The following AP3S2 variants were observed in gnomAD, a reference collection of about 807,000 sequenced individuals.
AP3S2 encodes adaptor related protein complex 3 subunit sigma 2, also known as AP-3 complex subunit sigma-2.
In AP3S2, 22 loss-of-function variants were observed where a neutral mutation model predicts 23.4. That is an observed-to-expected ratio of 0.94 (90% confidence interval 0.67 to 1.34). AP3S2 has a LOEUF of 1.34. AP3S2 is among the 40% of genes most tolerant of loss of function. AP3S2 has a pLI of 0.00. For synonymous variants in AP3S2, 86 were observed against 87.1 expected (o/e 0.99, Z 0.07); for missense variants, 241 against 236.9 (o/e 1.02, Z -0.11).
chr15:89,877,247 C>G, intron 3 of AP3S2: 1 of 1,110,012 alleles, frequency 9.0e-7, no homozygotes, highest in Non-Finnish European at 1.3e-6. Context: ...TAAAGAGGAA[C>G]GGGATTGGGT....
At chr15:89,849,388 A>G (rs894966131) in intron 4 of AP3S2, among the ~76,000 whole-genome samples, 1 of 151,418 alleles carries the variant, frequency 6.6e-6, no homozygotes, top group African/African-American at 2.4e-5. Flanking sequence ...TTTTCTTTAG[A>G]TGGAGTCTCA....
Position 89,833,892 on chromosome 15 carries a change from C to T in AP3S2, c.*1623G>A, listed in dbSNP as rs993558389. 2 of 152,270 alleles carry T rather than the reference C, an allele frequency of 1.3e-5. No individual in the cohort carries two copies. The highest frequency in any genetic ancestry group is 4.8e-5 in the African/African-American group (2 of 41,470). The allele number at this position is 152,270 out of a possible 1,614,324, so 9.4% of individuals were successfully genotyped here. ...GGTGCTGCTGGGCACCCTCTCAGAC[C>T]TGCCCTGCAACAGCATCAGGAGGCT... On this transcript the variant is annotated 3_prime_UTR_variant, in exon 6 of 6. Coordinates refer to ENST00000336418, the MANE Select transcript of AP3S2 (RefSeq NM_005829.5).
chr15:89,887,486 C>G (rs1254049260), intron 3 of AP3S2, among the ~76,000 whole-genome samples: 1 of 146,040 alleles, frequency 6.8e-6, no homozygotes, highest in Non-Finnish European at 1.5e-5. Flanking sequence ...AGTCTCCTGC[C>G]CCAGCCTCCC....
At position 89,893,982 on chromosome 15, in the gene AP3S2, A is replaced by C. The variant is rs1165702355; in HGVS notation, c.-33T>G. Reference sequence around the variant, plus strand: ...AGCCACGGTTCTCTCAGCACCGGCTACTCCCAGAAAGCTCCTCCTTCCGCC... The same window carrying C: ...AGCCACGGTTCTCTCAGCACCGGCTCCTCCCAGAAAGCTCCTCCTTCCGCC... On this transcript the variant is annotated 5_prime_UTR_variant, in exon 1 of 6. Transcript: ENST00000336418. 6.5e-7 allele frequency: 1 copy of C among 1,546,796 alleles called. No individual in the cohort carries two copies. Among genetic ancestry groups the C allele is most frequent in the Non-Finnish European group, 8.7e-7 (1 of 1,144,280 alleles).
intron 4 of AP3S2, among the ~76,000 whole-genome samples, chr15:89,847,530 G>C (rs951236041): frequency 7.2e-5 from 11 of 152,136 alleles, no homozygotes; most frequent in Non-Finnish European, 1.6e-4. Flanking sequence ...GTGGGGACAA[G>C]TCAGTTGCAA....
intron 5 of AP3S2, 22 bp from the exon 6 acceptor site, chr15:89,835,665 G>A (rs1895172018): frequency 7.3e-7 from 1 of 1,364,982 alleles, no homozygotes; most frequent in Non-Finnish European, 9.9e-7. Context: ...TGAGAGGCGA[G>A]TATGAGACAA....
intron 3 of AP3S2, 111 bp downstream of exon 3, chr15:89,888,408 CAA>C: frequency 1.0e-6 from 1 of 973,152 alleles, no homozygotes; most frequent in Non-Finnish European, 1.5e-6. Context: ...GGACATCTGG[CAA>C]CTTTTACTAG....
At chr15:89,877,295 A>G (rs1302258041) in intron 3 of AP3S2, 6 of 1,329,998 alleles carry the variant, frequency 4.5e-6, no homozygotes, top group Non-Finnish European at 6.0e-6. Context: ...GCAGTTTGAA[A>G]AAGATCATAC....
intron 3 of AP3S2, chr15:89,886,393 T>C (rs1008883072): frequency 1.3e-5 from 2 of 152,290 alleles, no homozygotes; most frequent in African/African-American, 4.8e-5. Flanking sequence ...AGTTAGTCTT[T>C]TTGTATTGTT....
intron 4 of AP3S2, among the ~76,000 whole-genome samples, chr15:89,860,482 C>A (rs573316852): frequency 2.6e-5 from 4 of 152,080 alleles, no homozygotes; most frequent in African/African-American, 9.7e-5. Flanking sequence ...GGGGATGATT[C>A]CCATCCTGGA....
intron 4 of AP3S2, among the ~76,000 whole-genome samples, chr15:89,853,164 A>G (rs914126357): frequency 2.0e-5 from 3 of 152,238 alleles, no homozygotes; most frequent in Non-Finnish European, 4.4e-5. Context: ...GGGGGTATAC[A>G]TCAGCAAGGG....
chr15:89,888,794 T>G, intron 2 of AP3S2, 162 bp from the exon 3 acceptor site: 1 of 861,732 alleles, frequency 1.2e-6, no homozygotes, highest in Non-Finnish European at 1.7e-6. Context: ...TTGGCAGAGG[T>G]ACCTAAAGCC....
At chr15:89,854,131 C>G (rs1895741126) in intron 4 of AP3S2, among the ~76,000 whole-genome samples, 1 of 45,802 alleles carries the variant, frequency 2.2e-5, no homozygotes, top group Non-Finnish European at 4.5e-5. Context: ...GGGGGTCAGC[C>G]CCCCGCCTGG....
At chr15:89,839,191 G>A (rs1386946335) in intron 4 of AP3S2, among the ~76,000 whole-genome samples, 2 of 152,198 alleles carry the variant, frequency 1.3e-5, no homozygotes, top group African/African-American at 4.8e-5. Flanking sequence ...CAGCAATGCA[G>A]AGTCAAGAAG....
At chr15:89,845,031 G>A (rs1426096752) in intron 4 of AP3S2, among the ~76,000 whole-genome samples, 1 of 151,858 alleles carries the variant, frequency 6.6e-6, no homozygotes, top group African/African-American at 2.4e-5. Context: ...TCAGCCTCCT[G>A]AGTAGCTGGG....
intron 3 of AP3S2, among the ~76,000 whole-genome samples, chr15:89,886,931 A>C (rs1035596122): frequency 6.6e-5 from 10 of 152,230 alleles, no homozygotes; most frequent in African/African-American, 2.4e-4. Context: ...AGTAGCTGGG[A>C]GTACAGGCAT....
chr15:89,857,024 T>C (rs1322696183), intron 4 of AP3S2, among the ~76,000 whole-genome samples: 1 of 152,204 alleles, frequency 6.6e-6, no homozygotes, highest in Non-Finnish European at 1.5e-5. Context: ...CCAAAGGCGT[T>C]TACAATCTAC....
At chr15:89,855,568 G>T (rs930762826) in intron 4 of AP3S2, among the ~76,000 whole-genome samples, 2 of 145,524 alleles carry the variant, frequency 1.4e-5, no homozygotes, top group African/African-American at 5.1e-5. Flanking sequence ...ACTTTCCCAG[G>T]CCAGCTGTGG....
rs1895120889 is a variant in AP3S2, at chr15:89,833,357, T to A, written c.*2158A>T. On this transcript the variant is annotated 3_prime_UTR_variant, in exon 6 of 6. Transcript: ENST00000336418. ...TCCTTATCTATAAAAAAGAAGATGA[T>A]AACATTGGGAGAAGCCATCTTAAGC... is the stretch of plus-strand genomic sequence containing the variant. 1 of 152,044 alleles carries A rather than the reference T, an allele frequency of 6.6e-6. No individual in the cohort carries two copies. The highest frequency in any genetic ancestry group is 1.5e-5 in the Non-Finnish European group (1 of 68,012). The allele number at this position is 152,044 out of a possible 1,614,324, so 9.4% of individuals were successfully genotyped here. A position where few individuals can be genotyped will look rare whatever the true frequency, so the allele number is the denominator to read the frequency against.
Sources: allele counts gnomAD v4.1 joint callset (sites outside exome capture counted in the v4.1 genomes callset), GRCh38; gene constraint gnomAD v4.1.1; transcripts MANE v1.5; gene names NCBI Gene and HGNC (gene_info 2026-07-23, HGNC 2026-07-21).